The following XKR3 variants were observed in gnomAD, a reference collection of about 807,000 sequenced individuals.
XKR3 encodes XK-related protein 3.
A neutral mutation model predicts 40.3 loss-of-function variants in XKR3; 27 were observed. That is an observed-to-expected ratio of 0.67 (90% CI 0.49 to 0.92). The LOEUF (loss-of-function observed/expected upper bound fraction) is 0.92, where lower values mean the gene tolerates loss of function less well. Among genes scored for constraint, XKR3 ranks in the 40% least tolerant of loss-of-function variants. The pLI is 0.00. For synonymous variants in XKR3, 193 were observed against 195.4 expected (o/e 0.99, Z 0.10); for missense variants, 472 against 537.6 (o/e 0.88, Z 1.21).
chr22:16,794,957 T>C (rs1378897946), intron 3 of XKR3, among the ~76,000 whole-genome samples: 1 of 152,170 alleles, frequency 6.6e-6, no homozygotes, highest in East Asian at 1.9e-4. Flanking sequence ...CTGTCCTAAA[T>C]ACACATACAT....
chr22:16,793,895 A>G (rs2060130574), intron 3 of XKR3, among the ~76,000 whole-genome samples: 4 of 152,230 alleles, frequency 2.6e-5, no homozygotes, highest in Admixed American at 2.0e-4. Flanking sequence ...TAAGAACATT[A>G]TAATACAAAT....
rs1399400369 is a variant in XKR3, at chr22:16,783,990, C to A, written c.1009G>T (p.Gly337Trp). The A allele has an allele frequency of 6.2e-7, 1 of 1,614,062 alleles. No individual in the cohort carries two copies. Among genetic ancestry groups the A allele is most frequent in the Non-Finnish European group, 8.5e-7 (1 of 1,180,050 alleles). The change falls in exon 4 of 4, where the codon GGG (glycine) becomes TGG (tryptophan). Residue 337 changes from glycine to tryptophan, a missense_variant. Transcript: ENST00000684488. ...LQLSDDKIIDGRQRWGHRILH... is the reference protein window; with the variant it reads ...LQLSDDKIIDWRQRWGHRILH... Reference sequence around the variant, plus strand: ...ATTCTATGGCCCCACCTCTGTCTCCCGTCAATTATTTTGTCATCTGACAAC... The same window carrying A: ...ATTCTATGGCCCCACCTCTGTCTCCAGTCAATTATTTTGTCATCTGACAAC...
In XKR3 at chr22:16,812,415, G is replaced by A. The variant is rs149263570; in HGVS notation, c.-10-4332C>T. Among the ~76,000 whole-genome samples the A allele has an allele frequency of 3.0e-3, 455 of 152,188 alleles. 1 individual carries two copies. Among genetic ancestry groups the A allele is most frequent in the African/African-American group, 9.9e-3 (409 of 41,520 alleles). ...ACACTTGCTGGGCGCGGTGGCTCAC[G>A]TCTGTAGTCCCAGCACTTTGGGAGG... On this transcript the variant is annotated intron_variant, in intron 1 of 3. Transcript: ENST00000684488.
chr22:16,793,264 G>C (rs28446412), intron 3 of XKR3, among the ~76,000 whole-genome samples: 1 of 152,122 alleles, frequency 6.6e-6, no homozygotes, highest in African/African-American at 2.4e-5. Flanking sequence ...TGTCCGCCTC[G>C]GCCTCCCAAA....
intron 2 of XKR3, among the ~76,000 whole-genome samples, chr22:16,801,096 C>T (rs1476232398): frequency 1.3e-5 from 2 of 152,034 alleles, no homozygotes; most frequent in Non-Finnish European, 2.9e-5. Flanking sequence ...GTGACAAAGC[C>T]TACACTTCTG....
chr22:16,824,592 A>C (rs1216535745), intron 1 of XKR3, among the ~76,000 whole-genome samples: 1 of 152,174 alleles, frequency 6.6e-6, no homozygotes, highest in Non-Finnish European at 1.5e-5. Flanking sequence ...GAAAGCATGG[A>C]AAGACAACTG....
chr22:16,819,000 C>T (rs2060245053), intron 1 of XKR3, among the ~76,000 whole-genome samples: 1 of 152,022 alleles, frequency 6.6e-6, no homozygotes, highest in African/African-American at 2.4e-5. Flanking sequence ...CCCTATGCTA[C>T]AGGTCAGGAG....
chr22:16,800,630 T>C (rs1290137595), intron 2 of XKR3, among the ~76,000 whole-genome samples: 1 of 152,166 alleles, frequency 6.6e-6, no homozygotes, highest in African/African-American at 2.4e-5. Flanking sequence ...AGGTAAGTGA[T>C]AAAAACATAC....
chr22:16,783,777 CTT>C lies in XKR3; in HGVS notation c.1220_1221del (p.Lys407SerfsTer7), dbSNP rs1430568401. 6.8e-6 allele frequency: 11 copies of C among 1,614,018 alleles called. No individual in the cohort carries two copies. Among genetic ancestry groups the C allele is most frequent in the African/African-American group, 1.3e-5 (1 of 74,882 alleles). ...TGATTTTCAGTACGTCCTGGCAACA[CTT>C]TGCCTGACTGCCATGGGTACAAATA... The part of the protein sequence containing the change: ...YQYLYPWQSG[K>X]VLPGRTENQP... On this transcript the variant is annotated frameshift_variant, in exon 4 of 4. Transcript: ENST00000684488. LOFTEE classifies it high-confidence loss of function.
chr22:16,803,316 A>G lies in XKR3; in HGVS notation c.336-3292T>C, dbSNP rs146981148. 7.3e-4 allele frequency among the ~76,000 whole-genome samples: 111 copies of G among 152,250 alleles called. No homozygotes were observed. The East Asian group carries it at 0.019, about 26-fold the overall frequency. ...CAGACAAAAAAGTCCTCAACACCAC[A>G]CTAGAAAGCCACACTCAGCGACATA... On this transcript the variant is annotated intron_variant, in intron 2 of 3. Transcript: ENST00000684488.
intron 3 of XKR3, among the ~76,000 whole-genome samples, chr22:16,788,707 A>G (rs1376943468): frequency 6.6e-6 from 1 of 152,156 alleles, no homozygotes; most frequent in Non-Finnish European, 1.5e-5. Context: ...ACTACAGGCT[A>G]ATATACCTGA....
intron 3 of XKR3, among the ~76,000 whole-genome samples, chr22:16,796,531 T>C (rs1418844133): frequency 1.1e-3 from 166 of 152,330 alleles, no homozygotes; most frequent in African/African-American, 3.8e-3. Context: ...GCTTTCTTCC[T>C]GGAATGCAAA....
chr22:16,806,475 T>TG (rs886375198), intron 2 of XKR3, among the ~76,000 whole-genome samples: 8 of 150,560 alleles, frequency 5.3e-5, no homozygotes, highest in African/African-American at 1.9e-4. Context: ...TAAGGTTTTT[T>TG]TTTTTTTTTT....
chr22:16,812,844 TC>T (rs1649277559), intron 1 of XKR3, among the ~76,000 whole-genome samples: 2 of 152,114 alleles, frequency 1.3e-5, no homozygotes, highest in Non-Finnish European at 2.9e-5. Flanking sequence ...GCCCTTGGTA[TC>T]CAATAAGCCA....
In XKR3 at chr22:16,783,697, A is replaced by G. The variant is rs2060075574; in HGVS notation, c.1302T>C (p.Asn434=). 2 of 1,613,464 alleles carry G rather than the reference A, an allele frequency of 1.2e-6. No individual in the cohort carries two copies. Among genetic ancestry groups the G allele is most frequent in the African/African-American group, 1.3e-5 (1 of 74,970 alleles). Residue 434 remains asparagine, a synonymous_variant, in exon 4 of 4, where the codon AAT becomes AAC. Coordinates refer to ENST00000684488, the MANE Select transcript of XKR3 (RefSeq NM_001386955.1). ...VNIEKTEKNK[N]KQLRNYCHSC... is the part of the protein sequence containing the mutation. The stretch of plus-strand genomic sequence containing the variant: ...AGTGACAGTAATTCCTCAGCTGCTT[A>G]TTTTTATTCTTTTCAGTTTTCTCGA...
intron 2 of XKR3, among the ~76,000 whole-genome samples, chr22:16,803,158 C>CT (rs1218815030): frequency 6.6e-6 from 1 of 151,940 alleles, no homozygotes; most frequent in African/African-American, 2.4e-5. Context: ...CATAAATTAC[C>CT]TTTCCACTTT....
intron 1 of XKR3, among the ~76,000 whole-genome samples, chr22:16,822,923 A>T (rs922206884): frequency 1.3e-4 from 20 of 152,110 alleles, no homozygotes; most frequent in African/African-American, 4.6e-4. Flanking sequence ...TGCCCTTGTC[A>T]CCCAGGTTGG....
chr22:16,818,069 T>C (rs9618891), intron 1 of XKR3, among the ~76,000 whole-genome samples: 3,618 of 152,264 alleles, frequency 0.024, 164 homozygotes, highest in African/African-American at 0.083. Flanking sequence ...TTTTCACATA[T>C]ATTATAAAAC....
intron 3 of XKR3, among the ~76,000 whole-genome samples, chr22:16,791,740 GGAGAGAGA>G (rs148780863): frequency 0.019 from 2,395 of 128,772 alleles, 67 homozygotes; most frequent in African/African-American, 0.067. Context: ...GGAGAAAGAG[GGAGAGAGA>G]GGGAGAGAGA....
Sources: gnomAD v4.1 joint callset for allele counts (sites outside exome capture counted in the v4.1 genomes callset) on GRCh38, gnomAD v4.1.1 for gene constraint, MANE v1.5 for transcripts, NCBI Gene and HGNC (gene_info 2026-07-23, HGNC 2026-07-21) for gene names.